The following FGD1 variants were observed in gnomAD, a reference collection of about 807,000 sequenced individuals.
FGD1 encodes FYVE, RhoGEF and PH domain-containing protein 1.
A neutral mutation model predicts 65.0 loss-of-function variants in FGD1; 12 were observed. That is an observed-to-expected ratio of 0.18 (90% confidence interval 0.12 to 0.30). The LOEUF is 0.30. Ranked by LOEUF, FGD1 falls within the 10% of genes least tolerant of loss-of-function variation. The probability of loss-of-function intolerance (pLI) is 1.00; values close to 1 mark genes in which losing one functional copy is unlikely to be tolerated. For missense variants in FGD1, 542 were observed against 837.6 expected (o/e 0.65, Z 4.36); for synonymous variants, 333 against 343.9 (o/e 0.97, Z 0.35).
At chrX:54,447,789 C>T (rs1252484790) in intron 16 of FGD1, among the ~76,000 whole-genome samples, 1 of 112,388 alleles carries the variant, frequency 8.9e-6, no homozygotes, top group Non-Finnish European at 1.9e-5. Flanking sequence ...TCTTTCATCA[C>T]ATCCATTTCC....
At chrX:54,471,007 C>CAAA (rs58297795) in intron 2 of FGD1, among the ~76,000 whole-genome samples, 1 of 46,376 alleles carries the variant, frequency 2.2e-5, no homozygotes, top group Non-Finnish European at 4.7e-5. Context: ...GATTCTGTCT[C>CAAA]AAAAAAAAAA....
chrX:54,462,963 C>T (rs1244999798), intron 8 of FGD1, among the ~76,000 whole-genome samples: 1 of 107,435 alleles, frequency 9.3e-6, no homozygotes, highest in African/African-American at 3.4e-5. Context: ...CAGGGTTTCA[C>T]CATGTTGGCC....
intron 4 of FGD1, among the ~76,000 whole-genome samples, chrX:54,469,127 A>C (rs1362315668): frequency 1.8e-5 from 2 of 111,534 alleles, no homozygotes; most frequent in African/African-American, 6.5e-5. Context: ...CGCTCTCTCT[A>C]TTCACTCAGC....
At chrX:54,469,868 G>A in intron 4 of FGD1, 148 bp downstream of exon 4, 2 of 518,378 alleles carry the variant, frequency 3.9e-6, no homozygotes, top group Non-Finnish European at 3.4e-6. Flanking sequence ...TGGTAGGGAA[G>A]CAGAAAGGGA....
chrX:54,471,537 G>A lies in FGD1; in HGVS notation c.308-50C>T, dbSNP rs760810495. 1.7e-5 allele frequency: 19 copies of A among 1,122,798 alleles called. No individual in the cohort carries two copies. The Admixed American group carries it at 4.1e-4, about 24-fold the overall frequency. 92.5% of individuals were successfully genotyped at this position (1,122,798 alleles called of 1,213,427 possible). A position where few individuals can be genotyped will look rare whatever the true frequency, so the allele number is the denominator to read the frequency against. On this transcript the variant is annotated intron_variant, in intron 1 of 17. Transcript: ENST00000375135. The stretch of plus-strand genomic sequence containing the variant: ...TGAAGTAACTGACTTTAACCCAAAG[G>A]GGACTGGGGTTAAAGTTAGGACTGG...
chrX:54,485,465 G>GTTTATTTA (rs1023194150), intron 1 of FGD1, among the ~76,000 whole-genome samples: 1 of 111,650 alleles, frequency 9.0e-6, no homozygotes, highest in African/African-American at 3.3e-5. Context: ...ATGCAAATAT[G>GTTTATTTA]TTTATTTATT....
chrX:54,491,667 C>A (rs1162015457), intron 1 of FGD1, among the ~76,000 whole-genome samples: 1 of 112,362 alleles, frequency 8.9e-6, no homozygotes, highest in Admixed American at 9.4e-5. Context: ...ATCACAATCA[C>A]CTAAGGAGCT....
At position 54,445,983 on chromosome X, in the gene FGD1, G is replaced by C. The variant is rs1056539734; in HGVS notation, c.*126C>G. 6.1e-6 allele frequency: 3 copies of C among 495,298 alleles called. No homozygotes were observed. The highest frequency in any genetic ancestry group is 1.0e-5 in the Non-Finnish European group (3 of 296,107). 40.8% of individuals were successfully genotyped at this position (495,298 alleles called of 1,213,427 possible). A position where few individuals can be genotyped will look rare whatever the true frequency, so the allele number is the denominator to read the frequency against. On this transcript the variant is annotated 3_prime_UTR_variant, in exon 18 of 18. Coordinates refer to ENST00000375135, the MANE Select transcript of FGD1 (RefSeq NM_004463.3). ...TTAAAAAACCCAAGACCCAGCATTC[G>C]GGATTGAAAGTGCCCGTGATGGGAG...
chrX:54,472,270 G>A (rs1466480419), intron 1 of FGD1, among the ~76,000 whole-genome samples: 1 of 102,403 alleles, frequency 9.8e-6, no homozygotes, highest in Non-Finnish European at 2.0e-5. Context: ...AGAGCAAGAC[G>A]CTGTCTCAAG....
In FGD1 at chrX:54,468,799, A is replaced by G; in HGVS notation, c.1179T>C (p.His393=). The change falls in exon 5 of 18, where the codon CAT becomes CAC. Residue 393 remains histidine (H), a synonymous_variant. Coordinates refer to ENST00000375135, the MANE Select transcript of FGD1 (RefSeq NM_004463.3). Reference sequence around the variant, plus strand: ...AGGGGCCACTCACCTGATCCAGGAGATGGAGCCTGGAAACGTAGGCCTTCT... The same window carrying G: ...AGGGGCCACTCACCTGATCCAGGAGGTGGAGCCTGGAAACGTAGGCCTTCT... ...QTEKAYVSRL[H]LLDQVFCARL... 9.1e-6 allele frequency: 11 copies of G among 1,204,141 alleles called. No homozygotes were observed. In the Middle Eastern group the frequency reaches 2.5e-3, roughly 277 times the overall value.
chrX:54,462,984 C>T (rs1288767501), intron 8 of FGD1, among the ~76,000 whole-genome samples: 2 of 110,071 alleles, frequency 1.8e-5, no homozygotes, highest in Non-Finnish European at 3.8e-5. Context: ...AGGCTGGTCT[C>T]GAACTCCTGA....
chrX:54,468,544 C>T (rs1225904332), intron 5 of FGD1, among the ~76,000 whole-genome samples: 2 of 110,711 alleles, frequency 1.8e-5, no homozygotes, highest in African/African-American at 6.6e-5. Context: ...GTGTCAGAGT[C>T]GCAGTCAGGG....
chrX:54,473,656 A>G (rs1922947909), intron 1 of FGD1, among the ~76,000 whole-genome samples: 1 of 112,729 alleles, frequency 8.9e-6, no homozygotes, highest in East Asian at 2.8e-4. Context: ...TTTACATTGT[A>G]TTAGGTATTA....
At chrX:54,483,425 C>CG (rs1308906433) in intron 1 of FGD1, among the ~76,000 whole-genome samples, 4 of 112,170 alleles carry the variant, frequency 3.6e-5, no homozygotes, top group Non-Finnish European at 7.6e-5. Context: ...CAGGCCCTGG[C>CG]GGGCGGAAGG....
intron 12 of FGD1, among the ~76,000 whole-genome samples, chrX:54,452,731 G>A: frequency 9.0e-6 from 1 of 111,538 alleles, no homozygotes; most frequent in Non-Finnish European, 1.9e-5. Flanking sequence ...GGGCGACAGA[G>A]TGAGACTCCA....
At position 54,470,769 on chromosome X, in the gene FGD1, A is replaced by G; in HGVS notation, c.482-9T>C. 9.6e-7 allele frequency: 1 copy of G among 1,043,963 alleles called. No individual in the cohort carries two copies. The highest frequency in any genetic ancestry group is 1.3e-6 in the Non-Finnish European group (1 of 770,586). The allele number at this position is 1,043,963 out of a possible 1,213,427, so 86.0% of individuals were successfully genotyped here. On this transcript the variant is annotated splice_polypyrimidine_tract_variant and intron_variant, in intron 2 of 17. Transcript: ENST00000375135. Reference sequence around the variant, plus strand: ...GCTGGGCTTTGGGGGCACTGGAGAGACGAATGGGGAAGAGAGAAGGGAGAC... The same window carrying G: ...GCTGGGCTTTGGGGGCACTGGAGAGGCGAATGGGGAAGAGAGAAGGGAGAC...
chrX:54,458,979 G>A (rs193149155), intron 8 of FGD1, among the ~76,000 whole-genome samples: 45 of 111,381 alleles, frequency 4.0e-4, no homozygotes, highest in African/African-American at 1.4e-3. Context: ...GGGAGAAGGT[G>A]ACCACCCTAG....
At chrX:54,466,804 C>T (rs768225862) in intron 6 of FGD1, among the ~76,000 whole-genome samples, 72 of 106,795 alleles carry the variant, frequency 6.7e-4, no homozygotes, top group Middle Eastern at 9.7e-3. Flanking sequence ...GGCTGGAGTG[C>T]AGTGGTACGA....
Position 54,446,261 on chromosome X carries a change from AGCGTCGCT to A in FGD1, c.2726_2733del (p.Gln909LeufsTer22). 1 of 1,211,985 alleles carries A rather than the reference AGCGTCGCT, an allele frequency of 8.3e-7. No homozygotes were observed. Among genetic ancestry groups the A allele is most frequent in the Non-Finnish European group, 1.1e-6 (1 of 895,512 alleles). ...CCCGCCCGGCCAAGCACAGCCATCC[AGCGTCGCT>A]GTAGTTCCTCTGTCTCAGGGCTGAA... On this transcript the variant is annotated frameshift_variant, in exon 18 of 18. Transcript: ENST00000375135. LOFTEE classifies it high-confidence loss of function.
Sources: allele counts gnomAD v4.1 joint callset (sites outside exome capture counted in the v4.1 genomes callset), GRCh38; gene constraint gnomAD v4.1.1; transcripts MANE v1.5; gene names NCBI Gene and HGNC (gene_info 2026-07-23, HGNC 2026-07-21).